The following SLC43A2 variants were observed in gnomAD, a reference collection of about 807,000 sequenced individuals.
SLC43A2 encodes the protein solute carrier family 43 member 2.
Under a neutral mutation model 63.2 loss-of-function variants are expected in SLC43A2, and 38 were observed. The observed-to-expected ratio is 0.60, with a 90% confidence interval of 0.46 to 0.79. The LOEUF is 0.79. Among genes scored for constraint, SLC43A2 ranks in the 30% least tolerant of loss-of-function variants. The pLI is 0.00. For synonymous variants in SLC43A2, 322 were observed against 331.0 expected, an observed-to-expected ratio of 0.97 and a Z score of 0.30; for missense variants, 644 against 756.2, an observed-to-expected ratio of 0.85 and a Z score of 1.74.
chr17:1,576,568 A>G lies in SLC43A2; in HGVS notation c.1548+29T>C, dbSNP rs758735835. ...AGTTAGCAGAAGGGGGCAGGCGCCCATGACCCACCATCCCCCGACCCCTCT... is the reference window on the plus strand; with the variant it reads ...AGTTAGCAGAAGGGGGCAGGCGCCCGTGACCCACCATCCCCCGACCCCTCT... On this transcript the variant is annotated intron_variant, in intron 13 of 13. Transcript: ENST00000301335. 1.6e-5 allele frequency: 26 copies of G among 1,583,548 alleles called. No homozygotes were observed. The East Asian group carries it at 4.1e-4, about 25-fold the overall frequency.
intron 2 of SLC43A2, among the ~76,000 whole-genome samples, chr17:1,626,543 T>TG (rs760427197): frequency 2.6e-5 from 4 of 152,304 alleles, no homozygotes; most frequent in Admixed American, 6.5e-5. Flanking sequence ...TCTCCTGCCC[T>TG]GAACCTCTCC....
intron 5 of SLC43A2, among the ~76,000 whole-genome samples, chr17:1,611,097 G>A (rs1044309604): frequency 1.3e-5 from 2 of 152,028 alleles, no homozygotes; most frequent in African/African-American, 4.8e-5. Flanking sequence ...ACCCCCATCG[G>A]CCTCCCGGAG....
chr17:1,575,415 A>C lies in SLC43A2; in HGVS notation c.*189T>G. The C allele has an allele frequency of 1.1e-5, 8 of 705,528 alleles. No homozygotes were observed. Among genetic ancestry groups the C allele is most frequent in the Non-Finnish European group, 1.6e-5 (7 of 434,718 alleles). 43.7% of individuals were successfully genotyped at this position (705,528 alleles called of 1,614,324 possible). A position where few individuals can be genotyped will look rare whatever the true frequency, so the allele number is the denominator to read the frequency against. ...GCAGCCCCTGCGTTCGGCAGGAGAA[A>C]ACGCGCGTGTCCGGGGCCCTCTCCC... is the stretch of plus-strand genomic sequence containing the variant. On this transcript the variant is annotated 3_prime_UTR_variant, in exon 14 of 14. Transcript: ENST00000301335.
rs1302515626 is a variant in SLC43A2 at position 1,591,704 on chromosome 17, C to CA, written c.595-6dup. On this transcript the variant is annotated splice_polypyrimidine_tract_variant and splice_region_variant and intron_variant, in intron 6 of 13. Coordinates refer to ENST00000301335, the MANE Select transcript of SLC43A2 (RefSeq NM_152346.3). Reference sequence around the variant, plus strand: ...GACACCAGCATCATAGATGAGCTGACAGGCACCGCGGGGACGGGGTGGGGG... The same window carrying CA: ...GACACCAGCATCATAGATGAGCTGACAAGGCACCGCGGGGACGGGGTGGGGG... The CA allele has an allele frequency of 7.0e-7, 1 of 1,428,070 alleles. No homozygotes were observed. Among genetic ancestry groups the CA allele is most frequent in the Non-Finnish European group, 9.4e-7 (1 of 1,068,670 alleles). The allele number at this position is 1,428,070 out of a possible 1,614,324, so 88.5% of individuals were successfully genotyped here.
At chr17:1,591,011 G>C in intron 8 of SLC43A2, 63 bp from the exon 9 acceptor site, 1 of 1,504,976 alleles carries the variant, frequency 6.6e-7, no homozygotes, top group Non-Finnish European at 9.0e-7. Flanking sequence ...GGGGGGACAC[G>C]CAGATCCCTC....
At chr17:1,617,412 G>A (rs1178814379) in intron 2 of SLC43A2, among the ~76,000 whole-genome samples, 1 of 151,324 alleles carries the variant, frequency 6.6e-6, no homozygotes, top group Non-Finnish European at 1.5e-5. Flanking sequence ...TTTTTTTGAG[G>A]CGGAGTCTCA....
intron 9 of SLC43A2, 38 bp downstream of exon 9, chr17:1,590,764 G>A (rs201058374): frequency 6.2e-4 from 964 of 1,548,526 alleles, no homozygotes; most frequent in Non-Finnish European, 7.8e-4. Context: ...GGCTCAGGCC[G>A]GGGAGTGACA....
At chr17:1,594,639 C>G (rs11868782) in intron 5 of SLC43A2, among the ~76,000 whole-genome samples, 127,398 of 134,164 alleles carry the variant, frequency 0.95, 60,615 homozygotes, top group South Asian at 0.99. Context: ...CCAGGCTGTA[C>G]TGCAGTGGCT....
rs927380027 is a variant in SLC43A2 at position 1,593,083 on chromosome 17, A to G, written c.594+104T>C. 81 of 1,074,324 alleles carry G rather than the reference A, an allele frequency of 7.5e-5. No homozygotes were observed. The highest frequency in any genetic ancestry group is 1.1e-4 in the Non-Finnish European group (78 of 719,360). 66.5% of individuals were successfully genotyped at this position (1,074,324 alleles called of 1,614,324 possible). Reference sequence around the variant, plus strand: ...TCCTGCCCGGGTGGGGGTGGTGGAGAGGGGCCACCCCGGGTGCCCACAATT... The same window carrying G: ...TCCTGCCCGGGTGGGGGTGGTGGAGGGGGGCCACCCCGGGTGCCCACAATT... On this transcript the variant is annotated intron_variant, in intron 6 of 13. Coordinates refer to ENST00000301335, the MANE Select transcript of SLC43A2 (RefSeq NM_152346.3). This position sits in a 1 kb window ranked among gnomAD's most constrained non-coding sequence, Gnocchi z 5.3.
In SLC43A2 at chr17:1,575,421, C is replaced by T. The variant is rs772412519; in HGVS notation, c.*183G>A. 1.9e-5 allele frequency: 14 copies of T among 756,326 alleles called. No individual in the cohort carries two copies. The highest frequency in any genetic ancestry group is 5.6e-5 in the East Asian group (2 of 35,610). The allele number at this position is 756,326 out of a possible 1,614,324, so 46.9% of individuals were successfully genotyped here. Reference sequence around the variant, plus strand: ...CCTGCGTTCGGCAGGAGAAAACGCGCGTGTCCGGGGCCCTCTCCCGTCCTT... The same window carrying T: ...CCTGCGTTCGGCAGGAGAAAACGCGTGTGTCCGGGGCCCTCTCCCGTCCTT... On this transcript the variant is annotated 3_prime_UTR_variant, in exon 14 of 14. Coordinates refer to ENST00000301335, the MANE Select transcript of SLC43A2 (RefSeq NM_152346.3).
At position 1,570,096 on chromosome 17, in the gene SLC43A2, T is replaced by C. The variant is rs1427902018; in HGVS notation, c.*5508A>G. The C allele has an allele frequency of 2.0e-5, 3 of 151,826 alleles. No individual in the cohort carries two copies. The highest frequency in any genetic ancestry group is 4.8e-5 in the African/African-American group (2 of 41,304). The allele number at this position is 151,826 out of a possible 1,614,324, so 9.4% of individuals were successfully genotyped here. ...TTTTAGTAGAGATGGGGTTTCACTG[T>C]GTTAGCCACGTTGGTCTCGATCTCC... On this transcript the variant is annotated 3_prime_UTR_variant, in exon 14 of 14. Coordinates refer to ENST00000301335, the MANE Select transcript of SLC43A2 (RefSeq NM_152346.3).
At position 1,594,076 on chromosome 17, in the gene SLC43A2, C is replaced by T. The variant is rs535256999; in HGVS notation, c.502-797G>A. Among the ~76,000 whole-genome samples, 27 of 152,216 alleles carry T rather than the reference C, an allele frequency of 1.8e-4. No individual in the cohort carries two copies. In the South Asian group the frequency reaches 2.9e-3, roughly 16 times the overall value. On this transcript the variant is annotated intron_variant, in intron 5 of 13. Transcript: ENST00000301335. ...CTGATCTCAAGTGATCCGCCCGCCTCGGCCTCCCAAAGTGCTGGGACTACA... is the reference window on the plus strand; with the variant it reads ...CTGATCTCAAGTGATCCGCCCGCCTTGGCCTCCCAAAGTGCTGGGACTACA...
chr17:1,622,828 C>T (rs1285232285), intron 2 of SLC43A2, among the ~76,000 whole-genome samples: 1 of 151,536 alleles, frequency 6.6e-6, no homozygotes, highest in Non-Finnish European at 1.5e-5. Flanking sequence ...GCAGGAGAAT[C>T]ACTTTAACCC....
intron 5 of SLC43A2, among the ~76,000 whole-genome samples, chr17:1,594,891 T>C (rs1004960061): frequency 2.0e-5 from 3 of 151,932 alleles, no homozygotes; most frequent in African/African-American, 4.8e-5. Context: ...CCCAACCTTT[T>C]TTTCTTGTTT....
At chr17:1,599,254 T>C (rs768986162) in intron 5 of SLC43A2, among the ~76,000 whole-genome samples, 10 of 148,458 alleles carry the variant, frequency 6.7e-5, no homozygotes, top group Non-Finnish European at 1.5e-4. Flanking sequence ...GCAGGAGGAT[T>C]GCTTGAACCC....
At chr17:1,621,632 A>G (rs1021498559) in intron 2 of SLC43A2, among the ~76,000 whole-genome samples, 23 of 152,304 alleles carry the variant, frequency 1.5e-4, no homozygotes, top group Non-Finnish European at 2.8e-4. Context: ...GTGTGCAATG[A>G]AAGTGTGTGC....
In SLC43A2 at chr17:1,583,305, G is replaced by T. The variant is rs1219845399; in HGVS notation, c.1249C>A (p.Gln417Lys). ...GEKKKKKRDR[Q>K]IQKITNAMRA... ...ATGGCATTAGTGATCTTCTGGATCTGCCGGTCCCGCTTCTTCTTTTTCTTC... is the reference window on the plus strand; with the variant it reads ...ATGGCATTAGTGATCTTCTGGATCTTCCGGTCCCGCTTCTTCTTTTTCTTC... Residue 417 changes from glutamine to lysine, a missense_variant, in exon 11 of 14, where the codon CAG becomes AAG. Physicochemically the swap from Gln to Lys is moderately conservative, Grantham distance 53. Coordinates refer to ENST00000301335, the MANE Select transcript of SLC43A2 (RefSeq NM_152346.3). This position sits in a 1 kb window ranked among gnomAD's most constrained non-coding sequence, Gnocchi z 5.5. 1.2e-6 allele frequency: 2 copies of T among 1,614,160 alleles called. No homozygotes were observed. The highest frequency in any genetic ancestry group is 2.2e-5 in the East Asian group (1 of 44,874).
At chr17:1,628,568 G>A (rs1908907468) in intron 1 of SLC43A2, among the ~76,000 whole-genome samples, 1 of 152,154 alleles carries the variant, frequency 6.6e-6, no homozygotes, top group Non-Finnish European at 1.5e-5. Context: ...AGCCAGCCGC[G>A]CGACCCCCAT....
intron 10 of SLC43A2, among the ~76,000 whole-genome samples, chr17:1,584,209 T>C (rs761648078): frequency 2.0e-5 from 3 of 152,008 alleles, no homozygotes; most frequent in Non-Finnish European, 4.4e-5. Context: ...CCTCTGCAAT[T>C]ATCTCTCGTG....
Sources: allele counts gnomAD v4.1 joint callset (sites outside exome capture counted in the v4.1 genomes callset), GRCh38; gene constraint gnomAD v4.1.1; non-coding constraint Gnocchi (gnomAD v3.1); transcripts MANE v1.5; gene names NCBI Gene and HGNC (gene_info 2026-07-23, HGNC 2026-07-21).